NUP35: variants seen among roughly 807,000 people sequenced by gnomAD.
NUP35 encodes nucleoporin NUP35.
A neutral mutation model predicts 41.5 loss-of-function variants in NUP35; 25 were observed. The observed-to-expected ratio is 0.60, with a 90% CI of 0.44 to 0.84. NUP35 has a LOEUF of 0.84. Ranked by LOEUF, NUP35 falls within the 40% of genes least tolerant of loss-of-function variation. The pLI, the probability that NUP35 is intolerant of heterozygous loss-of-function variation, is 0.00. For synonymous variants in NUP35, 149 were observed against 130.7 expected, an observed-to-expected ratio of 1.14 and a Z score of -0.96; for missense variants, 396 against 396.6, an observed-to-expected ratio of 1.00 and a Z score of 0.01.
At chr2:183,140,004 A>G (rs1685029776) in intron 4 of NUP35, among the ~76,000 whole-genome samples, 1 of 152,212 alleles carries the variant, frequency 6.6e-6, no homozygotes. Flanking sequence ...TTTGCATCCA[A>G]CTTGGCAAGG....
chr2:183,134,885 A>C (rs1466847425), intron 4 of NUP35, among the ~76,000 whole-genome samples: 1 of 151,912 alleles, frequency 6.6e-6, no homozygotes, highest in African/African-American at 2.4e-5. Context: ...CGGCCTCCCA[A>C]AGTGCTGGGA....
chr2:183,134,867 A>G (rs913552916), intron 4 of NUP35, among the ~76,000 whole-genome samples: 1 of 150,108 alleles, frequency 6.7e-6, no homozygotes, highest in African/African-American at 2.5e-5. Flanking sequence ...CTTGTGATCT[A>G]CCCACCTCGG....
chr2:183,128,721 G>A (rs1684589788), intron 2 of NUP35, among the ~76,000 whole-genome samples: 1 of 152,082 alleles, frequency 6.6e-6, no homozygotes, highest in South Asian at 2.1e-4. Flanking sequence ...GGTGGGACAA[G>A]CTTGTGCTAG....
chr2:183,149,203 G>A (rs184424889), intron 4 of NUP35, among the ~76,000 whole-genome samples: 331 of 152,208 alleles, frequency 2.2e-3, no homozygotes, highest in Middle Eastern at 0.014. Flanking sequence ...GTTCTCAAAT[G>A]TCTTAGTTTT....
intron 2 of NUP35, 64 bp downstream of exon 2, chr2:183,128,521 C>A: frequency 1.7e-6 from 2 of 1,200,304 alleles, no homozygotes; most frequent in South Asian, 1.9e-5. Context: ...AATTTTTTGG[C>A]TTCCCTGAAC....
chr2:183,156,602 A>G (rs377263225), intron 5 of NUP35, among the ~76,000 whole-genome samples: 1 of 152,046 alleles, frequency 6.6e-6, no homozygotes, highest in African/African-American at 2.4e-5. Flanking sequence ...CGGCCTCCCA[A>G]AGTGCTGGTT....
chr2:183,146,252 C>T (rs576931653), intron 4 of NUP35, among the ~76,000 whole-genome samples: 1 of 151,946 alleles, frequency 6.6e-6, no homozygotes, highest in Non-Finnish European at 1.5e-5. Context: ...AAAAGTATTT[C>T]AAAAATCTTA....
chr2:183,123,671 C>A, upstream of NUP35: 1 of 471,450 alleles, frequency 2.1e-6, no homozygotes, highest in Non-Finnish European at 2.8e-6. Flanking sequence ...TTGAGCAAAA[C>A]TAAACAATAT....
At chr2:183,128,790 A>G (rs1243181258) in intron 2 of NUP35, among the ~76,000 whole-genome samples, 1 of 152,194 alleles carries the variant, frequency 6.6e-6, no homozygotes, top group East Asian at 1.9e-4. Flanking sequence ...ATTAAAAAAA[A>G]TTAAGCAATG....
intron 4 of NUP35, among the ~76,000 whole-genome samples, chr2:183,144,341 G>A (rs902689389): frequency 6.6e-6 from 1 of 152,176 alleles, no homozygotes; most frequent in Non-Finnish European, 1.5e-5. Context: ...CCAATCAGGT[G>A]GTTGAGTTCA....
intron 4 of NUP35, among the ~76,000 whole-genome samples, chr2:183,138,954 C>G (rs924001728): frequency 6.6e-6 from 1 of 151,562 alleles, no homozygotes; most frequent in African/African-American, 2.4e-5. Context: ...GTACTCCTTA[C>G]ATGTGTTCCT....
At chr2:183,157,393 T>C (rs774983345) in intron 5 of NUP35, 51 bp from the exon 6 acceptor site, 3 of 1,288,736 alleles carry the variant, frequency 2.3e-6, no homozygotes, top group Non-Finnish European at 3.4e-6. Context: ...TAATTTGCAT[T>C]CACATTGATA....
intron 4 of NUP35, among the ~76,000 whole-genome samples, chr2:183,147,720 A>G (rs1193689157): frequency 6.6e-6 from 1 of 152,086 alleles, no homozygotes; most frequent in Non-Finnish European, 1.5e-5. Context: ...GTGAAAAATG[A>G]TGTTGGTTAT....
intron 6 of NUP35, among the ~76,000 whole-genome samples, 182 bp downstream of exon 6, chr2:183,157,695 T>TA (rs1685719996): frequency 6.6e-6 from 1 of 152,050 alleles, no homozygotes; most frequent in Non-Finnish European, 1.5e-5. Flanking sequence ...TAAAAAGAGA[T>TA]ATAGTGAGAA....
chr2:183,157,611 C>A, intron 6 of NUP35, 98 bp downstream of exon 6: 3 of 868,164 alleles, frequency 3.5e-6, no homozygotes, highest in South Asian at 1.5e-5. Flanking sequence ...TTTTTTTAAA[C>A]TTAAATTTTT....
intron 6 of NUP35, 57 bp from the exon 7 acceptor site, chr2:183,158,226 C>A: frequency 2.5e-6 from 3 of 1,192,742 alleles, no homozygotes; most frequent in Middle Eastern, 2.8e-4. Flanking sequence ...TAGTAGAATT[C>A]ATTAGATGTA....
At chr2:183,143,513 C>T (rs1017784611) in intron 4 of NUP35, among the ~76,000 whole-genome samples, 19 of 152,138 alleles carry the variant, frequency 1.2e-4, no homozygotes, top group African/African-American at 4.3e-4. Context: ...TGGGCAGGGG[C>T]AAATCTCCTT....
rs570769506 is a variant in NUP35, at chr2:183,152,669, T to G, written c.539+1020T>G. ...TTACTGCTGAGTATTCCATTTTGTATGTATATATATCTATCACAGTAAAAC... is the reference window on the plus strand; with the variant it reads ...TTACTGCTGAGTATTCCATTTTGTAGGTATATATATCTATCACAGTAAAAC... On this transcript the variant is annotated intron_variant, in intron 5 of 8. Transcript: ENST00000295119. Among the ~76,000 whole-genome samples the G allele has an allele frequency of 4.6e-5, 7 of 152,344 alleles. 1 individual carries two copies. The highest frequency in any genetic ancestry group is 1.4e-4 in the African/African-American group (6 of 41,578).
chr2:183,158,366 T>G lies in NUP35; in HGVS notation c.693T>G (p.Ile231Met). The change falls in exon 7 of 9, where the codon ATT (isoleucine) becomes ATG (methionine). Residue 231 changes from isoleucine (I) to methionine (M), a missense_variant. Ile to Met is a conservative substitution (Grantham distance 10). Transcript: ENST00000295119. ...AAGCCTTAAGCAAAGATGGGAGGAT[T>G]TTTGGAGAATCCATCATGATTGGTG... ...ARKALSKDGR[I>M]FGESIMIGVK... The G allele has an allele frequency of 6.2e-7, 1 of 1,609,194 alleles. No individual in the cohort carries two copies. The highest frequency in any genetic ancestry group is 8.5e-7 in the Non-Finnish European group (1 of 1,176,884).
Sources: allele counts gnomAD v4.1 joint callset (sites outside exome capture counted in the v4.1 genomes callset), GRCh38; gene constraint gnomAD v4.1.1; transcripts MANE v1.5; gene names NCBI Gene and HGNC (gene_info 2026-07-23, HGNC 2026-07-21).